The following CACHD1 variants were observed in gnomAD, a reference collection of about 807,000 sequenced individuals.
CACHD1 encodes the protein cache domain containing 1.
Under a neutral mutation model 138.7 loss-of-function variants are expected in CACHD1, and 71 were observed. That is an observed-to-expected ratio of 0.51 (90% confidence interval 0.42 to 0.62). The LOEUF (loss-of-function observed/expected upper bound fraction) is 0.62. Among genes scored for constraint, CACHD1 ranks in the 20% least tolerant of loss-of-function variants. The pLI is 0.00. For missense variants in CACHD1, 1,389 were observed against 1,625.3 expected (o/e 0.85, Z 2.50); for synonymous variants, 578 against 591.5 (o/e 0.98, Z 0.33).
intron 26 of CACHD1, among the ~76,000 whole-genome samples, chr1:64,682,701 G>C (rs147745172): frequency 6.6e-6 from 1 of 152,038 alleles, no homozygotes; most frequent in Non-Finnish European, 1.5e-5. Context: ...ATGAAGAGGC[G>C]CCGAGTGCTA....
chr1:64,592,366 A>T (rs145095874), intron 3 of CACHD1, among the ~76,000 whole-genome samples: 1 of 152,250 alleles, frequency 6.6e-6, no homozygotes, highest in Non-Finnish European at 1.5e-5. Flanking sequence ...ATAACACAGT[A>T]TGTACCTCCA....
chr1:64,651,379 T>A (rs952211186), intron 9 of CACHD1, among the ~76,000 whole-genome samples: 2 of 152,222 alleles, frequency 1.3e-5, no homozygotes, highest in African/African-American at 4.8e-5. Context: ...CACCTTTTTT[T>A]AAAGGATGCA....
intron 4 of CACHD1, among the ~76,000 whole-genome samples, chr1:64,608,234 G>A (rs1165406298): frequency 1.3e-5 from 2 of 152,112 alleles, no homozygotes; most frequent in African/African-American, 4.8e-5. Flanking sequence ...ATTCTACTAG[G>A]CAGTGGCTAC....
intron 3 of CACHD1, among the ~76,000 whole-genome samples, chr1:64,584,267 A>C (rs12068675): frequency 0.15 from 22,445 of 152,138 alleles, 1,774 homozygotes; most frequent in African/African-American, 0.21. Context: ...GATACTGCTA[A>C]ACATCCTATA....
chr1:64,641,145 C>G (rs1242826780), intron 7 of CACHD1, among the ~76,000 whole-genome samples: 1 of 151,960 alleles, frequency 6.6e-6, no homozygotes, highest in African/African-American at 2.4e-5. Flanking sequence ...TTCACAGCAA[C>G]ACTACTAAGT....
intron 1 of CACHD1, among the ~76,000 whole-genome samples, chr1:64,498,077 A>G (rs191642613): frequency 1.1e-4 from 17 of 152,344 alleles, no homozygotes; most frequent in Non-Finnish European, 2.9e-5. Flanking sequence ...CAGTGAGCTG[A>G]GATCGTGCCA....
At chr1:64,635,298 C>G (rs543873823) in intron 7 of CACHD1, among the ~76,000 whole-genome samples, 2 of 151,792 alleles carry the variant, frequency 1.3e-5, no homozygotes, top group African/African-American at 4.8e-5. Flanking sequence ...AGCAGGAATT[C>G]TTGCCTTGAT....
intron 22 of CACHD1, among the ~76,000 whole-genome samples, chr1:64,677,823 G>C (rs918672836): frequency 5.9e-5 from 9 of 151,952 alleles, no homozygotes; most frequent in Admixed American, 5.9e-4. Context: ...CCCCACACTT[G>C]GGGGATGTTA....
chr1:64,614,254 C>G (rs1647633740), intron 4 of CACHD1, among the ~76,000 whole-genome samples: 1 of 151,986 alleles, frequency 6.6e-6, no homozygotes, highest in South Asian at 2.1e-4. Flanking sequence ...GATTGCTTTT[C>G]TTGCCTGGTC....
chr1:64,635,581 A>G (rs558090815), intron 7 of CACHD1, among the ~76,000 whole-genome samples: 45 of 150,950 alleles, frequency 3.0e-4, no homozygotes, highest in African/African-American at 1.1e-3. Context: ...ATGGGGTTTC[A>G]CCATGTTGGT....
chr1:64,635,965 G>C (rs904254324), intron 7 of CACHD1, among the ~76,000 whole-genome samples: 1 of 151,968 alleles, frequency 6.6e-6, no homozygotes, highest in Middle Eastern at 3.4e-3. Context: ...CAAAAATATA[G>C]CTGGACATGG....
At chr1:64,509,256 G>A (rs556100360) in intron 1 of CACHD1, among the ~76,000 whole-genome samples, 27 of 152,252 alleles carry the variant, frequency 1.8e-4, no homozygotes, top group African/African-American at 6.3e-4. Flanking sequence ...TTTCATGCCT[G>A]TGTTACCCGC....
chr1:64,560,840 C>A (rs1360564787), intron 2 of CACHD1, among the ~76,000 whole-genome samples: 5 of 151,902 alleles, frequency 3.3e-5, no homozygotes, highest in Non-Finnish European at 2.9e-5. Context: ...CCATTTAATT[C>A]TGTTCATTTT....
Position 64,485,790 on chromosome 1 carries a change from A to T in CACHD1, c.198+14848A>T, listed in dbSNP as rs371927613. On this transcript the variant is annotated intron_variant, in intron 1 of 26. Transcript: ENST00000651257. The stretch of plus-strand genomic sequence containing the variant: ...GAGATAGGGTTTCACCATGTTGCCT[A>T]GGCTGGGAGTTTTTTGATGTTTCAA... Among the ~76,000 whole-genome samples the T allele has an allele frequency of 1.6e-4, 24 of 152,288 alleles. No homozygotes were observed. In the South Asian group the frequency reaches 4.8e-3, roughly 30 times the overall value.
Position 64,653,467 on chromosome 1 carries a change from A to G in CACHD1, c.1541-291A>G, listed in dbSNP as rs1339719412. ...AAATTGTTATCTTAGATTTATTGGC[A>G]TTAAGATTTATGTGGTAGATTAGAA... On this transcript the variant is annotated intron_variant, in intron 10 of 26. Transcript: ENST00000651257. Among the ~76,000 whole-genome samples, 3 of 151,778 alleles carry G rather than the reference A, an allele frequency of 2.0e-5. No individual in the cohort carries two copies. The South Asian group carries it at 6.2e-4, about 32-fold the overall frequency.
At chr1:64,589,267 G>A (rs1381561829) in intron 3 of CACHD1, among the ~76,000 whole-genome samples, 1 of 152,032 alleles carries the variant, frequency 6.6e-6, no homozygotes, top group East Asian at 1.9e-4. Context: ...CACAAATTTA[G>A]TGCATTTCCA....
intron 2 of CACHD1, among the ~76,000 whole-genome samples, chr1:64,557,867 C>T (rs1222114988): frequency 6.6e-6 from 1 of 152,096 alleles, no homozygotes; most frequent in African/African-American, 2.4e-5. Flanking sequence ...GCAGCGATCT[C>T]GGCTAACTGC....
chr1:64,521,433 T>G (rs897089822), intron 1 of CACHD1, among the ~76,000 whole-genome samples: 1 of 152,246 alleles, frequency 6.6e-6, no homozygotes, highest in Admixed American at 6.5e-5. Flanking sequence ...GAATTAACTT[T>G]CTGAAAGTTG....
At chr1:64,576,909 T>C (rs934933221) in intron 2 of CACHD1, among the ~76,000 whole-genome samples, 9 of 149,492 alleles carry the variant, frequency 6.0e-5, no homozygotes, top group Middle Eastern at 3.4e-3. Context: ...GTTTGTTTGT[T>C]TTTTTTTTTT....
Sources: gnomAD v4.1 joint callset for allele counts (sites outside exome capture counted in the v4.1 genomes callset) on GRCh38, gnomAD v4.1.1 for gene constraint, MANE v1.5 for transcripts, NCBI Gene and HGNC (gene_info 2026-07-23, HGNC 2026-07-21) for gene names.